The following PCDH15 variants were observed in gnomAD, a reference collection of about 807,000 sequenced individuals.
PCDH15 encodes the protein protocadherin-15.
PCDH15 carries 129 observed loss-of-function variants against 178.5 expected under a neutral mutation model. The ratio of observed to expected loss-of-function variants is 0.72; its 90% confidence interval spans 0.63 to 0.84. PCDH15 has a LOEUF of 0.84. Among genes scored for constraint, PCDH15 ranks in the 40% least tolerant of loss-of-function variants. The pLI is 0.00. For missense variants in PCDH15, 2,230 were observed against 2,099.9 expected, an observed-to-expected ratio of 1.06 and a Z score of -1.21; for synonymous variants, 800 against 732.0, an observed-to-expected ratio of 1.09 and a Z score of -1.50.
intron 2 of PCDH15, among the ~76,000 whole-genome samples, chr10:54,988,804 G>C (rs775640801): frequency 5.3e-5 from 8 of 152,184 alleles, no homozygotes; most frequent in Non-Finnish European, 1.2e-4. Context: ...ATTTTCTAAG[G>C]AGAAATTCAA....
chr10:54,166,411 A>G (rs765184138), intron 13 of PCDH15, among the ~76,000 whole-genome samples: 3 of 152,178 alleles, frequency 2.0e-5, no homozygotes, highest in Non-Finnish European at 4.4e-5. Context: ...CGAATCACCT[A>G]AAAATCTGTG....
chr10:53,852,960 ATG>A (rs2078483519), intron 28 of PCDH15, among the ~76,000 whole-genome samples: 1 of 152,056 alleles, frequency 6.6e-6, no homozygotes, highest in Non-Finnish European at 1.5e-5. Flanking sequence ...TACCTGAGTT[ATG>A]TGTGTATTTT....
intron 20 of PCDH15, among the ~76,000 whole-genome samples, chr10:53,997,276 A>T (rs954672764): frequency 1.3e-5 from 2 of 152,184 alleles, no homozygotes; most frequent in Non-Finnish European, 2.9e-5. Context: ...TTAGTTCTCT[A>T]TAATGAGGAC....
intron 3 of PCDH15, among the ~76,000 whole-genome samples, chr10:54,440,061 A>G (rs970879595): frequency 2.0e-5 from 3 of 151,850 alleles, no homozygotes; most frequent in East Asian, 1.9e-4. Context: ...GACTGGGGGG[A>G]AAAAAACTTC....
intron 2 of PCDH15, among the ~76,000 whole-genome samples, chr10:55,146,380 T>C (rs1490604175): frequency 6.6e-6 from 1 of 151,920 alleles, no homozygotes; most frequent in East Asian, 1.9e-4. Flanking sequence ...TACTCTCTAG[T>C]ATAAAACCAT....
chr10:55,198,063 T>C (rs1053176332), intron 1 of PCDH15, among the ~76,000 whole-genome samples: 4 of 152,126 alleles, frequency 2.6e-5, no homozygotes, highest in African/African-American at 9.7e-5. Flanking sequence ...TATAGATAGA[T>C]AGTGAATGGT....
chr10:54,907,951 A>G (rs1480268902), intron 2 of PCDH15, among the ~76,000 whole-genome samples: 1 of 152,212 alleles, frequency 6.6e-6, no homozygotes, highest in African/African-American at 2.4e-5. Context: ...ATGCTGTTAC[A>G]TTGCTGGGAT....
At position 53,995,893 on chromosome 10, in the gene PCDH15, C is replaced by T. The variant is rs989164117; in HGVS notation, c.2752-128G>A. On this transcript the variant is annotated intron_variant, in intron 20 of 37. Coordinates refer to ENST00000644397, the MANE Select transcript of PCDH15 (RefSeq NM_001384140.1). The stretch of plus-strand genomic sequence containing the variant: ...CTGTCAGCCTTCCATCCTCTCAATT[C>T]CATTACTCTCATTTCAGACTGGCAC... 5 of 831,640 alleles carry T rather than the reference C, an allele frequency of 6.0e-6. No homozygotes were observed. In the East Asian group the frequency reaches 1.0e-4, roughly 17 times the overall value. The allele number at this position is 831,640 out of a possible 1,614,324, so 51.5% of individuals were successfully genotyped here.
chr10:54,829,696 G>A (rs2133749717), intron 3 of PCDH15, among the ~76,000 whole-genome samples: 1 of 152,120 alleles, frequency 6.6e-6, no homozygotes, highest in Middle Eastern at 3.4e-3. Context: ...ATGTATCCAT[G>A]TGTTTCCTAG....
chr10:54,402,592 C>T (rs1771234778), intron 3 of PCDH15, among the ~76,000 whole-genome samples: 2 of 151,908 alleles, frequency 1.3e-5, no homozygotes. Context: ...GTGCTCACAT[C>T]ATGTCTGTGT....
chr10:55,538,253 A>T (rs1841629467), intron 2 of PCDH15, among the ~76,000 whole-genome samples: 1 of 152,218 alleles, frequency 6.6e-6, no homozygotes, highest in African/African-American at 2.4e-5. Context: ...TAATAGAACT[A>T]TTTTTGTTAT....
chr10:54,427,177 T>C (rs1956363995), intron 3 of PCDH15, among the ~76,000 whole-genome samples: 1 of 151,700 alleles, frequency 6.6e-6, no homozygotes, highest in Non-Finnish European at 1.5e-5. Context: ...CTATCAAGTT[T>C]GTTTGTGTTT....
At chr10:55,426,282 G>A (rs1018204560) in intron 2 of PCDH15, among the ~76,000 whole-genome samples, 12 of 152,110 alleles carry the variant, frequency 7.9e-5, no homozygotes, top group Non-Finnish European at 1.6e-4. Context: ...TCAACTCCTC[G>A]CAGGAGGGAG....
intron 3 of PCDH15, among the ~76,000 whole-genome samples, chr10:54,512,113 CCTTCTAGGGTTCTTG>C (rs1329295605): frequency 1.3e-5 from 2 of 151,900 alleles, no homozygotes; most frequent in African/African-American, 2.4e-5. Flanking sequence ...TCAAAACACC[CCTTCTAGGGTTCTTG>C]ACCTCCGGAT....
At chr10:55,031,682 G>T (rs1262602415) in intron 2 of PCDH15, among the ~76,000 whole-genome samples, 2 of 152,108 alleles carry the variant, frequency 1.3e-5, no homozygotes, top group Non-Finnish European at 2.9e-5. Context: ...AGGCCCAATT[G>T]TGACTGTGCC....
At chr10:54,027,011 C>T (rs560849761) in intron 18 of PCDH15, among the ~76,000 whole-genome samples, 1 of 147,116 alleles carries the variant, frequency 6.8e-6, no homozygotes, top group Non-Finnish European at 1.5e-5. Context: ...TCCCTGTTTG[C>T]AGACGACATG....
At chr10:54,154,393 GTTTT>G (rs2044869827) in intron 13 of PCDH15, among the ~76,000 whole-genome samples, 1 of 152,046 alleles carries the variant, frequency 6.6e-6, no homozygotes, top group Non-Finnish European at 1.5e-5. Context: ...CTGTAGAAAT[GTTTT>G]ATTTACTTAT....
At chr10:53,815,540 C>A (rs2076030465) in intron 35 of PCDH15, among the ~76,000 whole-genome samples, 1 of 152,080 alleles carries the variant, frequency 6.6e-6, no homozygotes, top group Non-Finnish European at 1.5e-5. Context: ...CACACAACCT[C>A]CAGATTTTGG....
intron 17 of PCDH15, among the ~76,000 whole-genome samples, chr10:54,068,348 A>G (rs565915316): frequency 3.7e-4 from 57 of 152,220 alleles, no homozygotes; most frequent in African/African-American, 1.2e-3. Context: ...TGCTATTCAT[A>G]TGTGATTTGC....
Sources: allele counts gnomAD v4.1 joint callset (sites outside exome capture counted in the v4.1 genomes callset), GRCh38; gene constraint gnomAD v4.1.1; transcripts MANE v1.5; gene names NCBI Gene and HGNC (gene_info 2026-07-23, HGNC 2026-07-21).